Variants in SPATA6L observed in about 807,000 individuals in gnomAD.
The protein encoded by SPATA6L is spermatogenesis associated 6-like protein.
A neutral mutation model predicts 49.2 loss-of-function variants in SPATA6L; 68 were observed. The ratio of observed to expected loss-of-function variants is 1.38; its 90% CI spans 1.14 to 1.69. The LOEUF (loss-of-function observed/expected upper bound fraction) is 1.69. Among genes scored for constraint, SPATA6L ranks in the 40% most tolerant of loss-of-function variants. The probability of loss-of-function intolerance (pLI) is 0.00; values close to 1 mark genes in which losing one functional copy is unlikely to be tolerated. For synonymous variants in SPATA6L, 198 were observed against 165.7 expected, an observed-to-expected ratio of 1.19 and a Z score of -1.50; for missense variants, 668 against 464.3, an observed-to-expected ratio of 1.44 and a Z score of -4.03.
intron 4 of SPATA6L, among the ~76,000 whole-genome samples, chr9:4,631,471 T>C (rs1831533545): frequency 6.6e-6 from 1 of 151,940 alleles, no homozygotes; most frequent in Non-Finnish European, 1.5e-5. Flanking sequence ...TATTATCTGA[T>C]AGATGAGACA....
chr9:4,651,847 C>A (rs1587449991), intron 3 of SPATA6L, among the ~76,000 whole-genome samples: 1 of 152,158 alleles, frequency 6.6e-6, no homozygotes, highest in Non-Finnish European at 1.5e-5. Flanking sequence ...AATATTACAA[C>A]TAATGGTGAA....
chr9:4,644,029 A>T (rs914986310), intron 3 of SPATA6L, among the ~76,000 whole-genome samples: 1 of 151,840 alleles, frequency 6.6e-6, no homozygotes, highest in Non-Finnish European at 1.5e-5. Flanking sequence ...TTGAAAAAAA[A>T]AGATGTAGAT....
intron 13 of SPATA6L, among the ~76,000 whole-genome samples, chr9:4,592,881 T>C (rs978647387): frequency 6.6e-6 from 1 of 152,206 alleles, no homozygotes; most frequent in Non-Finnish European, 1.5e-5. Context: ...CACCAAGTTG[T>C]ACATGCTAAA....
In SPATA6L at chr9:4,617,883, A is replaced by G. The variant is rs776134621; in HGVS notation, c.995+40T>C. ...CCAGCTTTACCCCTGCCAGGCCACA[A>G]TGCACTCGTCAGGCAAACAGATGGG... On this transcript the variant is annotated intron_variant, in intron 9 of 11. Transcript: ENST00000682582. 4.6e-5 allele frequency: 71 copies of G among 1,528,040 alleles called. 1 individual carries two copies. Among genetic ancestry groups the G allele is most frequent in the Non-Finnish European group, 5.7e-5 (64 of 1,128,444 alleles). 94.7% of individuals were successfully genotyped at this position (1,528,040 alleles called of 1,614,324 possible).
chr9:4,662,326 A>G lies in SPATA6L; in HGVS notation c.40-290T>C. The G allele has an allele frequency of 2.1e-6, 3 of 1,447,754 alleles. No individual in the cohort carries two copies. The highest frequency in any genetic ancestry group is 2.7e-6 in the Non-Finnish European group (3 of 1,106,316). 89.7% of individuals were successfully genotyped at this position (1,447,754 alleles called of 1,614,324 possible). On this transcript the variant is annotated intron_variant, in intron 1 of 11. Coordinates refer to ENST00000682582, the MANE Select transcript of SPATA6L (RefSeq NM_001353486.2). The surrounding 1 kb of genome is among the most constrained non-coding windows in gnomAD (Gnocchi z 4.9). Reference sequence around the variant, plus strand: ...AAGCGGAAGAGGCTGCAGGGCCGGGAAGCCTCTGTTTGGTCCGGCCAGGTC... The same window carrying G: ...AAGCGGAAGAGGCTGCAGGGCCGGGGAGCCTCTGTTTGGTCCGGCCAGGTC...
downstream of SPATA6L, among the ~76,000 whole-genome samples, chr9:4,597,715 G>T (rs538741126): frequency 1.3e-5 from 2 of 152,342 alleles, no homozygotes; most frequent in Middle Eastern, 3.4e-3. Context: ...AGGGTTCCCA[G>T]CACAAGGGAA....
At chr9:4,638,785 CTTTTCTTTTTTT>C (rs141399801) in intron 3 of SPATA6L, among the ~76,000 whole-genome samples, 12,254 of 145,372 alleles carry the variant, frequency 0.084, 853 homozygotes, top group African/African-American at 0.22. Context: ...CTTTTCTTTT[CTTTTCTTTTTTT>C]TTTTTGAGAT....
chr9:4,592,087 G>C (rs1821937042), intron 13 of SPATA6L, among the ~76,000 whole-genome samples: 2 of 152,146 alleles, frequency 1.3e-5, no homozygotes, highest in Admixed American at 1.3e-4. Context: ...GGCCGAGGCG[G>C]GTGGATCATC....
chr9:4,629,796 T>TATATATATATATATATATAC (rs1389296370), intron 4 of SPATA6L, among the ~76,000 whole-genome samples: 16 of 146,454 alleles, frequency 1.1e-4, no homozygotes, highest in Non-Finnish European at 2.1e-4. Flanking sequence ...TATATATATA[T>TATATATATATATATATATAC]ATGCCCTATC....
At chr9:4,654,453 G>T (rs1587473735) in intron 3 of SPATA6L, among the ~76,000 whole-genome samples, 1 of 152,156 alleles carries the variant, frequency 6.6e-6, no homozygotes, top group East Asian at 1.9e-4. Context: ...AAGCCCCAGT[G>T]GGTGTGTTTT....
rs1008549336 is a variant in SPATA6L at position 4,656,144 on chromosome 9, T to C, written c.178-55A>G. On this transcript the variant is annotated intron_variant, in intron 2 of 11. Transcript: ENST00000682582. ...TCAAAGTTGTATTAATAAGCGCATATAGAAACTGTAAATGCCAGGTGCAGT... is the reference window on the plus strand; with the variant it reads ...TCAAAGTTGTATTAATAAGCGCATACAGAAACTGTAAATGCCAGGTGCAGT... The C allele has an allele frequency of 4.4e-5, 65 of 1,476,000 alleles. No homozygotes were observed. In the Admixed American group the frequency reaches 1.0e-3, roughly 23 times the overall value. The allele number at this position is 1,476,000 out of a possible 1,614,324, so 91.4% of individuals were successfully genotyped here. A position where few individuals can be genotyped will look rare whatever the true frequency, so the allele number is the denominator to read the frequency against.
intron 4 of SPATA6L, among the ~76,000 whole-genome samples, chr9:4,634,166 A>G (rs1282654029): frequency 6.6e-6 from 1 of 152,202 alleles, no homozygotes; most frequent in Non-Finnish European, 1.5e-5. Flanking sequence ...TCTTTAACAG[A>G]GAGCTAGACA....
rs184969677 is a variant in SPATA6L, at chr9:4,649,206, T to C, written c.226+6835A>G. On this transcript the variant is annotated intron_variant, in intron 3 of 11. Coordinates refer to ENST00000682582, the MANE Select transcript of SPATA6L (RefSeq NM_001353486.2). ...CATGCGTGTGTAAGTATTTTTTTCA[T>C]AAAATGACCTCTTTTCCTCTGGGTA... Among the ~76,000 whole-genome samples the C allele has an allele frequency of 2.0e-5, 3 of 152,306 alleles. No homozygotes were observed. In the East Asian group the frequency reaches 5.8e-4, roughly 29 times the overall value.
At chr9:4,626,646 TTTTTAAAAA>T in intron 5 of SPATA6L, 1 of 1,067,866 alleles carries the variant, frequency 9.4e-7, no homozygotes, top group Non-Finnish European at 1.2e-6. Context: ...TGTTTAGCCA[TTTTTAAAAA>T]TTAAATCTTT....
chr9:4,616,379 C>G (rs3780404), intron 9 of SPATA6L, among the ~76,000 whole-genome samples: 20,549 of 152,116 alleles, frequency 0.14, 1,665 homozygotes, highest in East Asian at 0.29. Flanking sequence ...TGTCTCCTGA[C>G]CACTGTTAAT....
chr9:4,610,595 T>G (rs941627781), intron 9 of SPATA6L, among the ~76,000 whole-genome samples: 3 of 151,196 alleles, frequency 2.0e-5, no homozygotes, highest in Non-Finnish European at 2.9e-5. Flanking sequence ...GCTAGCCATA[T>G]GTAGAAAGCT....
intron 9 of SPATA6L, 28 bp from the exon 10 acceptor site, chr9:4,605,468 T>A (rs910629668): frequency 2.0e-5 from 31 of 1,538,424 alleles, no homozygotes; most frequent in Non-Finnish European, 2.5e-5. Flanking sequence ...CAGGGTGGAA[T>A]ATTAAGCAGC....
chr9:4,606,297 C>A lies in SPATA6L; in HGVS notation c.996-857G>T, dbSNP rs549663087. ...AGCTCCAACTGGGTGGAGCCCACCACAGCTCAAGGAGGCCTGCCTGCCTCT... is the reference window on the plus strand; with the variant it reads ...AGCTCCAACTGGGTGGAGCCCACCAAAGCTCAAGGAGGCCTGCCTGCCTCT... On this transcript the variant is annotated intron_variant, in intron 9 of 11. Coordinates refer to ENST00000682582, the MANE Select transcript of SPATA6L (RefSeq NM_001353486.2). Among the ~76,000 whole-genome samples, 309 of 143,876 alleles carry A rather than the reference C, an allele frequency of 2.1e-3. 16 individuals are homozygous for A. Among genetic ancestry groups the A allele is most frequent in the Admixed American group, 3.9e-3 (55 of 14,136 alleles). The allele number at this position is 143,876 out of a possible 152,430, so 94.4% of individuals were successfully genotyped here. A position where few individuals can be genotyped will look rare whatever the true frequency, so the allele number is the denominator to read the frequency against.
At chr9:4,637,565 C>A (rs1051084141) in intron 3 of SPATA6L, among the ~76,000 whole-genome samples, 2 of 152,198 alleles carry the variant, frequency 1.3e-5, no homozygotes, top group African/African-American at 4.8e-5. Context: ...TCAATCAATA[C>A]AGGGCCCAGC....
Sources: allele counts gnomAD v4.1 joint callset (sites outside exome capture counted in the v4.1 genomes callset), GRCh38; gene constraint gnomAD v4.1.1; non-coding constraint Gnocchi (gnomAD v3.1); transcripts MANE v1.5; gene names NCBI Gene and HGNC (gene_info 2026-07-23, HGNC 2026-07-21).